The following HNRNPM variants were observed in gnomAD, a reference collection of about 807,000 sequenced individuals.
HNRNPM encodes CEA receptor.
Under a neutral mutation model 73.1 loss-of-function variants are expected in HNRNPM, and 11 were observed. That is an observed-to-expected ratio of 0.15 (90% confidence interval 0.09 to 0.25). The LOEUF (loss-of-function observed/expected upper bound fraction) is 0.25, where lower values mean the gene tolerates loss of function less well. Among genes scored for constraint, HNRNPM ranks in the 10% least tolerant of loss-of-function variants. The probability of loss-of-function intolerance (pLI) is 1.00; values close to 1 mark genes in which losing one functional copy is unlikely to be tolerated. For missense variants in HNRNPM, 789 were observed against 1,067.9 expected (o/e 0.74, Z 3.64); for synonymous variants, 407 against 355.2 (o/e 1.15, Z -1.64).
At chr19:8,476,225 C>A (rs994179459) in intron 12 of HNRNPM, among the ~76,000 whole-genome samples, 1 of 152,154 alleles carries the variant, frequency 6.6e-6, no homozygotes, top group Non-Finnish European at 1.5e-5. Flanking sequence ...ACACCCTCTA[C>A]AGCTGAGAAC....
In HNRNPM at chr19:8,455,322, A is replaced by T. The variant is rs1366361645; in HGVS notation, c.114-83A>T. ...CATATGTAACTTTGTGTGGAATTGT[A>T]AACCTGGCAAATCAAATAATTATCT... On this transcript the variant is annotated intron_variant, in intron 1 of 15. Transcript: ENST00000325495. 3 of 1,229,754 alleles carry T rather than the reference A, an allele frequency of 2.4e-6. No homozygotes were observed. In the African/African-American group the frequency reaches 4.5e-5, roughly 19 times the overall value. The allele number at this position is 1,229,754 out of a possible 1,614,324, so 76.2% of individuals were successfully genotyped here.
At chr19:8,465,240 G>C (rs1409765368) in intron 5 of HNRNPM, 84 bp from the exon 6 acceptor site, 1 of 1,104,366 alleles carries the variant, frequency 9.1e-7, no homozygotes, top group African/African-American at 1.6e-5. Context: ...CAGTTTCTAA[G>C]TCTTGAGAAT....
chr19:8,455,262 T>G, intron 1 of HNRNPM, 143 bp from the exon 2 acceptor site: 7 of 670,022 alleles, frequency 1.0e-5, no homozygotes, highest in South Asian at 2.1e-5. Context: ...ATTACAGGTG[T>G]GAGCCACCGC....
intron 5 of HNRNPM, among the ~76,000 whole-genome samples, chr19:8,464,015 TC>T: frequency 6.6e-6 from 1 of 152,314 alleles, no homozygotes; most frequent in South Asian, 2.1e-4. Context: ...TCTTGGCCCA[TC>T]TTTTTTCTTT....
chr19:8,445,217 G>T lies in HNRNPM; in HGVS notation c.113+106G>T. On this transcript the variant is annotated intron_variant, in intron 1 of 15. Coordinates refer to ENST00000325495, the MANE Select transcript of HNRNPM (RefSeq NM_005968.5). ...GGCGGCCTAGCCCCGGCGCGGCCTC[G>T]GCCCCGGCTGTTCCCGTACCGCCTG... 7.8e-6 allele frequency: 8 copies of T among 1,023,690 alleles called. No individual in the cohort carries two copies. In the South Asian group the frequency reaches 1.7e-4, roughly 22 times the overall value. 63.4% of individuals were successfully genotyped at this position (1,023,690 alleles called of 1,614,324 possible).
intron 13 of HNRNPM, among the ~76,000 whole-genome samples, chr19:8,484,441 G>A (rs563886025): frequency 6.0e-4 from 92 of 152,330 alleles, no homozygotes; most frequent in African/African-American, 2.1e-3. Flanking sequence ...CCAAAGTACT[G>A]GGATTACAGG....
At chr19:8,450,553 G>A (rs1182652536) in intron 1 of HNRNPM, among the ~76,000 whole-genome samples, 1 of 151,920 alleles carries the variant, frequency 6.6e-6, no homozygotes, top group Admixed American at 6.6e-5. Context: ...AGGACCACAG[G>A]CACATGGTAC....
At chr19:8,476,746 A>C (rs1354836477) in intron 12 of HNRNPM, among the ~76,000 whole-genome samples, 2 of 152,198 alleles carry the variant, frequency 1.3e-5, no homozygotes, top group Non-Finnish European at 2.9e-5. Flanking sequence ...TGCTGATGCC[A>C]GCCTGTGGCA....
chr19:8,485,783 C>G lies in HNRNPM; in HGVS notation c.1355C>G (p.Ser452Cys). The part of the protein sequence containing the change: ...DRMGSVERMG[S>C]GIERMGPLGL... ...ATGGGCTCCGTGGAGCGCATGGGCTCCGGCATTGAGCGCATGGGCCCGCTG... is the reference window on the plus strand; with the variant it reads ...ATGGGCTCCGTGGAGCGCATGGGCTGCGGCATTGAGCGCATGGGCCCGCTG... The change falls in exon 14 of 16, where the codon TCC becomes TGC. Residue 452 changes from serine (S) to cysteine (C), a missense_variant. Coordinates refer to ENST00000325495, the MANE Select transcript of HNRNPM (RefSeq NM_005968.5). 1 of 1,603,814 alleles carries G rather than the reference C, an allele frequency of 6.2e-7. No homozygotes were observed. The highest frequency in any genetic ancestry group is 2.2e-5 in the East Asian group (1 of 44,728).
chr19:8,479,881 T>C (rs1970787541), intron 12 of HNRNPM, among the ~76,000 whole-genome samples: 1 of 149,068 alleles, frequency 6.7e-6, no homozygotes, highest in Non-Finnish European at 1.5e-5. Flanking sequence ...GTTTAAGCTG[T>C]TCTCTGCCTC....
chr19:8,467,383 G>T, intron 7 of HNRNPM, 152 bp from the exon 8 acceptor site: 1 of 623,888 alleles, frequency 1.6e-6, no homozygotes, highest in Non-Finnish European at 2.9e-6. Context: ...TTCCTTTTAT[G>T]TTTATTGTTG....
intron 1 of HNRNPM, among the ~76,000 whole-genome samples, chr19:8,446,042 C>T (rs1020425159): frequency 6.6e-5 from 10 of 152,178 alleles, no homozygotes; most frequent in Non-Finnish European, 1.2e-4. Flanking sequence ...TGATTACAGA[C>T]ACTTAAGAGA....
intron 12 of HNRNPM, among the ~76,000 whole-genome samples, chr19:8,478,906 A>G (rs900468286): frequency 7.9e-5 from 12 of 152,060 alleles, no homozygotes; most frequent in Non-Finnish European, 2.9e-5. Flanking sequence ...AGTTAGCAGG[A>G]TGGAGTGAGT....
Position 8,466,247 on chromosome 19 carries a change from G to A in HNRNPM, c.643G>A (p.Val215Ile). The A allele has an allele frequency of 6.2e-7, 1 of 1,613,424 alleles. No individual in the cohort carries two copies. The highest frequency in any genetic ancestry group is 8.5e-7 in the Non-Finnish European group (1 of 1,179,866). ...CTCTCTCGATTAGCTGGATTATAAA[G>A]TTGGCTGGAAGAAACTGAAGGAAGT... ...TVFVANLDYK[V>I]GWKKLKEVFS... Residue 215 changes from valine to isoleucine, a missense_variant, in exon 7 of 16, where the codon GTT (valine) becomes ATT (isoleucine). Physicochemically the swap from Val to Ile is conservative, Grantham distance 29. Transcript: ENST00000325495.
At position 8,485,460 on chromosome 19, in the gene HNRNPM, C is replaced by T; in HGVS notation, c.1175-143C>T. The T allele has an allele frequency of 3.6e-6, 3 of 844,272 alleles. No individual in the cohort carries two copies. The South Asian group carries it at 4.8e-5, about 14-fold the overall frequency. 52.3% of individuals were successfully genotyped at this position (844,272 alleles called of 1,614,324 possible). ...CCCACCACACAGCTGTAGCTGTTGT[C>T]AACATTTGAGGGGTGTCTTAATGGT... On this transcript the variant is annotated intron_variant, in intron 13 of 15. Transcript: ENST00000325495.
chr19:8,467,276 G>T (rs1487846889), intron 7 of HNRNPM, among the ~76,000 whole-genome samples: 1 of 152,224 alleles, frequency 6.6e-6, no homozygotes, highest in East Asian at 1.9e-4. Flanking sequence ...CACTGCTTAA[G>T]AGGATGGTTT....
chr19:8,483,335 C>T lies in HNRNPM; in HGVS notation c.1174+124C>T, dbSNP rs963828237. The T allele has an allele frequency of 3.0e-5, 22 of 725,994 alleles. No individual in the cohort carries two copies. In the African/African-American group the frequency reaches 3.1e-4, roughly 10 times the overall value. 45.0% of individuals were successfully genotyped at this position (725,994 alleles called of 1,614,324 possible). On this transcript the variant is annotated intron_variant, in intron 13 of 15. Coordinates refer to ENST00000325495, the MANE Select transcript of HNRNPM (RefSeq NM_005968.5). ...ACTGCCCGGGGTGGGAGCAGCTCTG[C>T]CTTTTTCTAGCTGTGTGACGTTTGG... is the stretch of plus-strand genomic sequence containing the variant.
At chr19:8,448,562 C>T (rs947409910) in intron 1 of HNRNPM, among the ~76,000 whole-genome samples, 3 of 150,736 alleles carry the variant, frequency 2.0e-5, no homozygotes, top group Non-Finnish European at 4.4e-5. Flanking sequence ...GCTCCGTGAA[C>T]CGCTTCCCGG....
chr19:8,468,682 T>C (rs1170038096), intron 8 of HNRNPM, 92 bp from the exon 9 acceptor site: 2 of 899,768 alleles, frequency 2.2e-6, no homozygotes, highest in African/African-American at 3.3e-5. Context: ...GTTTAGCTGG[T>C]CCTCTCTTGA....
Sources: allele counts gnomAD v4.1 joint callset (sites outside exome capture counted in the v4.1 genomes callset), GRCh38; gene constraint gnomAD v4.1.1; transcripts MANE v1.5; gene names NCBI Gene and HGNC (gene_info 2026-07-23, HGNC 2026-07-21).